Variants in CSMD1 observed in about 807,000 individuals in gnomAD.
CSMD1 encodes the protein CUB and Sushi multiple domains 1, also known as CUB and sushi domain-containing protein 1.
A neutral mutation model predicts 417.5 loss-of-function variants in CSMD1; 213 were observed. The ratio of observed to expected loss-of-function variants is 0.51; its 90% CI spans 0.46 to 0.57. The LOEUF is 0.57. CSMD1 is among the 20% of genes least tolerant of loss of function. The pLI is 0.00. For missense variants in CSMD1, 6,923 were observed against 4,529.7 expected (o/e 1.53, Z -15.17); for synonymous variants, 2,862 against 1,736.8 (o/e 1.65, Z -16.11).
chr8:4,235,659 A>G (rs1802001785), intron 3 of CSMD1, among the ~76,000 whole-genome samples: 1 of 152,214 alleles, frequency 6.6e-6, no homozygotes, highest in Non-Finnish European at 1.5e-5. Flanking sequence ...CGACCCTTTT[A>G]AAATGGGTCA....
intron 1 of CSMD1, among the ~76,000 whole-genome samples, chr8:4,701,694 A>G (rs1289734963): frequency 6.6e-6 from 1 of 152,224 alleles, no homozygotes; most frequent in African/African-American, 2.4e-5. Context: ...CTTAAAAAAA[A>G]AAGTAGAGTG....
intron 3 of CSMD1, among the ~76,000 whole-genome samples, chr8:4,084,945 A>T (rs554783231): frequency 6.6e-6 from 1 of 152,330 alleles, no homozygotes; most frequent in Non-Finnish European, 1.5e-5. Context: ...TAATTTGGGA[A>T]AGCACCTGCA....
At chr8:4,710,061 G>T (rs2725079) in intron 1 of CSMD1, among the ~76,000 whole-genome samples, 1 of 151,866 alleles carries the variant, frequency 6.6e-6, no homozygotes, top group Non-Finnish European at 1.5e-5. Context: ...CTAGTGATTT[G>T]GAAAATCTGG....
intron 39 of CSMD1, among the ~76,000 whole-genome samples, chr8:3,156,576 G>C (rs1382864828): frequency 6.6e-6 from 1 of 152,156 alleles, no homozygotes; most frequent in Non-Finnish European, 1.5e-5. Flanking sequence ...TGGGAGCTCA[G>C]AGAGCATTGA....
At chr8:3,161,818 A>G (rs1819916716) in intron 38 of CSMD1, among the ~76,000 whole-genome samples, 1 of 152,178 alleles carries the variant, frequency 6.6e-6, no homozygotes. Flanking sequence ...GTGCACATAC[A>G]GAAGCAGATT....
intron 3 of CSMD1, among the ~76,000 whole-genome samples, chr8:4,221,092 A>G (rs1801003948): frequency 6.6e-6 from 1 of 152,172 alleles, no homozygotes. Flanking sequence ...ACTTCATTTA[A>G]ACAAGAGAGG....
intron 12 of CSMD1, among the ~76,000 whole-genome samples, chr8:3,431,357 T>A (rs1165227789): frequency 2.0e-5 from 3 of 152,042 alleles, no homozygotes; most frequent in African/African-American, 7.2e-5. Context: ...AGAGTGAAAA[T>A]TTTCCCATCT....
chr8:3,875,019 C>G (rs1424270935), intron 5 of CSMD1, among the ~76,000 whole-genome samples: 1 of 152,094 alleles, frequency 6.6e-6, no homozygotes, highest in African/African-American at 2.4e-5. Context: ...AGAATGGATG[C>G]AAGCACAAAG....
chr8:3,794,595 T>G (rs1799937510), intron 5 of CSMD1, among the ~76,000 whole-genome samples: 1 of 144,788 alleles, frequency 6.9e-6, no homozygotes, highest in African/African-American at 2.5e-5. Context: ...TTTTTCCATT[T>G]TTTTCTCGAT....
intron 7 of CSMD1, among the ~76,000 whole-genome samples, chr8:3,660,009 T>C (rs992832719): frequency 3.3e-5 from 5 of 152,224 alleles, no homozygotes; most frequent in African/African-American, 1.2e-4. Context: ...GAACAATACG[T>C]ATCTAATCGC....
At chr8:3,297,609 A>G (rs1389741471) in intron 25 of CSMD1, among the ~76,000 whole-genome samples, 1 of 152,212 alleles carries the variant, frequency 6.6e-6, no homozygotes, top group Non-Finnish European at 1.5e-5. Context: ...ACTGTGGACA[A>G]AAATCTGTGA....
At chr8:4,307,247 T>C (rs1264026176) in intron 3 of CSMD1, among the ~76,000 whole-genome samples, 1 of 152,140 alleles carries the variant, frequency 6.6e-6, no homozygotes, top group Non-Finnish European at 1.5e-5. Flanking sequence ...GTCTAACATA[T>C]GCTAATCATG....
intron 3 of CSMD1, among the ~76,000 whole-genome samples, chr8:4,258,677 C>T (rs1191374472): frequency 1.3e-5 from 2 of 151,408 alleles, no homozygotes; most frequent in Non-Finnish European, 2.9e-5. Context: ...TAATCACCTT[C>T]CAGAGGACTT....
rs1394501813 is a variant in CSMD1 at position 3,488,316 on chromosome 8, C to A, written c.1448+5307G>T. On this transcript the variant is annotated intron_variant, in intron 11 of 69. Coordinates refer to ENST00000635120, the MANE Select transcript of CSMD1 (RefSeq NM_033225.6). ...AGAGACGGAGTTTCATCCTGTTGCC[C>A]AGGTTGGTCTCAAACTTTTGGCCTC... 2.6e-5 allele frequency among the ~76,000 whole-genome samples: 4 copies of A among 152,058 alleles called. No homozygotes were observed. In the South Asian group the frequency reaches 6.2e-4, roughly 24 times the overall value.
chr8:3,849,458 A>C (rs1189295848), intron 5 of CSMD1, among the ~76,000 whole-genome samples: 1 of 152,144 alleles, frequency 6.6e-6, no homozygotes, highest in Non-Finnish European at 1.5e-5. Flanking sequence ...TCTGGCGGTT[A>C]CTCCTTTTAG....
intron 41 of CSMD1, among the ~76,000 whole-genome samples, chr8:3,125,794 T>C (rs936613442): frequency 1.2e-4 from 18 of 152,144 alleles, no homozygotes; most frequent in African/African-American, 4.3e-4. Flanking sequence ...CTGGCCAACA[T>C]GGTGAAATCC....
intron 30 of CSMD1, among the ~76,000 whole-genome samples, chr8:3,205,909 A>G (rs1210515022): frequency 6.6e-6 from 1 of 152,198 alleles, no homozygotes; most frequent in African/African-American, 2.4e-5. Context: ...AATAGGTTCT[A>G]TAAAGACAAA....
chr8:3,884,283 G>T (rs1241618487), intron 5 of CSMD1, among the ~76,000 whole-genome samples: 1 of 152,074 alleles, frequency 6.6e-6, no homozygotes, highest in Non-Finnish European at 1.5e-5. Context: ...ACATACAATG[G>T]CCACTTGTGT....
intron 50 of CSMD1, among the ~76,000 whole-genome samples, chr8:3,046,976 G>A (rs1301362561): frequency 2.0e-5 from 3 of 152,138 alleles, no homozygotes; most frequent in Non-Finnish European, 2.9e-5. Context: ...TTGGGAGGCC[G>A]AGGCGGGTGA....
Sources: allele counts gnomAD v4.1 joint callset (sites outside exome capture counted in the v4.1 genomes callset), GRCh38; gene constraint gnomAD v4.1.1; transcripts MANE v1.5; gene names NCBI Gene and HGNC (gene_info 2026-07-23, HGNC 2026-07-21).